The following DENND4C variants were observed in gnomAD, a reference collection of about 807,000 sequenced individuals.
DENND4C encodes the protein DENN domain-containing protein 4C.
A neutral mutation model predicts 203.0 loss-of-function variants in DENND4C; 108 were observed. The observed-to-expected ratio is 0.53, with a 90% confidence interval of 0.46 to 0.62. The LOEUF (loss-of-function observed/expected upper bound fraction) is 0.62, where lower values mean the gene tolerates loss of function less well. Ranked by LOEUF, DENND4C falls within the 20% of genes least tolerant of loss-of-function variation. The pLI, the probability that DENND4C is intolerant of heterozygous loss-of-function variation, is 0.00. For synonymous variants in DENND4C, 871 were observed against 792.4 expected (o/e 1.10, Z -1.67); for missense variants, 2,481 against 2,301.2 (o/e 1.08, Z -1.60).
At chr9:19,245,662 C>G (rs1169192555) in intron 1 of DENND4C, among the ~76,000 whole-genome samples, 1 of 152,046 alleles carries the variant, frequency 6.6e-6, no homozygotes, top group Non-Finnish European at 1.5e-5. Flanking sequence ...CGAGATTAGC[C>G]TGGCCAACGT....
chr9:19,309,574 T>A (rs1840351168), intron 10 of DENND4C, among the ~76,000 whole-genome samples: 1 of 151,822 alleles, frequency 6.6e-6, no homozygotes, highest in African/African-American at 2.4e-5. Flanking sequence ...GTATGAGACT[T>A]TTTTTTTGGC....
intron 1 of DENND4C, among the ~76,000 whole-genome samples, chr9:19,268,503 A>T (rs551092132): frequency 1.3e-5 from 2 of 152,250 alleles, no homozygotes; most frequent in South Asian, 2.1e-4. Context: ...ATGTTTGTCT[A>T]TGTATTTGCT....
chr9:19,342,571 A>G (rs2131948752), intron 21 of DENND4C, 62 bp from the exon 22 acceptor site: 2 of 1,479,548 alleles, frequency 1.4e-6, no homozygotes, highest in Non-Finnish European at 1.8e-6. Flanking sequence ...AAAAGTCAAT[A>G]TATGGTTTCT....
At chr9:19,234,140 G>A (rs540252629) in intron 1 of DENND4C, among the ~76,000 whole-genome samples, 1 of 151,974 alleles carries the variant, frequency 6.6e-6, no homozygotes, top group Non-Finnish European at 1.5e-5. Flanking sequence ...GCTTTTAATA[G>A]TCCAAAGTTT....
intron 16 of DENND4C, among the ~76,000 whole-genome samples, chr9:19,329,589 G>A (rs1030161096): frequency 6.6e-6 from 1 of 152,108 alleles, no homozygotes; most frequent in Admixed American, 6.5e-5. Flanking sequence ...ATGTCAGATG[G>A]TTACTCTGTG....
intron 1 of DENND4C, among the ~76,000 whole-genome samples, chr9:19,242,746 C>T (rs1053785193): frequency 4.6e-5 from 7 of 151,922 alleles, no homozygotes; most frequent in African/African-American, 1.5e-4. Context: ...ACCTCTGCCT[C>T]CTGGGTTGAA....
intron 1 of DENND4C, among the ~76,000 whole-genome samples, chr9:19,243,542 T>A (rs1824315647): frequency 6.6e-6 from 1 of 152,196 alleles, no homozygotes; most frequent in Non-Finnish European, 1.5e-5. Flanking sequence ...TAGTCCCTGC[T>A]GCCCAGTAAT....
intron 1 of DENND4C, among the ~76,000 whole-genome samples, chr9:19,273,746 C>T (rs1832263184): frequency 1.3e-5 from 2 of 150,830 alleles, no homozygotes; most frequent in African/African-American, 5.0e-5. Context: ...ATTAGAATGT[C>T]TAAATTAAAA....
At position 19,336,685 on chromosome 9, in the gene DENND4C, G is replaced by C. The variant is rs1463351243; in HGVS notation, c.2735-1G>C. 6.4e-7 allele frequency: 1 copy of C among 1,550,514 alleles called. No homozygotes were observed. The highest frequency in any genetic ancestry group is 2.4e-5 in the East Asian group (1 of 40,920). The stretch of plus-strand genomic sequence containing the variant: ...TGAACTGCTATTGTCCTTATCTTTA[G>C]CTCTTCAAAATGTCACAGGTGGAAG... On this transcript the variant is annotated splice_acceptor_variant, in intron 19 of 32. Transcript: ENST00000434457. LOFTEE classifies it high-confidence loss of function.
chr9:19,331,969 T>G lies in DENND4C; in HGVS notation c.2254-9T>G. On this transcript the variant is annotated splice_polypyrimidine_tract_variant and intron_variant, in intron 16 of 32. Coordinates refer to ENST00000434457, the MANE Select transcript of DENND4C (RefSeq NM_001330640.2). ...TAGTAAATATCATAATATTTTATTC[T>G]CTTTCTAGGAAATAAAAACAGCTCA... The G allele has an allele frequency of 1.9e-6, 3 of 1,606,464 alleles. No homozygotes were observed. The highest frequency in any genetic ancestry group is 2.6e-6 in the Non-Finnish European group (3 of 1,174,886).
chr9:19,230,551 G>A (rs1447374059), upstream of DENND4C: 3 of 152,270 alleles, frequency 2.0e-5, no homozygotes, highest in African/African-American at 7.2e-5. Context: ...GCTGCGCCGC[G>A]GGCAGCTCCT....
At chr9:19,250,730 C>G (rs1337922519) in intron 1 of DENND4C, among the ~76,000 whole-genome samples, 1 of 152,164 alleles carries the variant, frequency 6.6e-6, no homozygotes, top group Non-Finnish European at 1.5e-5. Context: ...GGCTACAGGC[C>G]CCATGCAAGT....
At chr9:19,319,317 CATATATATACATATATATACACAT>C (rs1842394354) in intron 12 of DENND4C, among the ~76,000 whole-genome samples, 1 of 41,886 alleles carries the variant, frequency 2.4e-5, no homozygotes, top group African/African-American at 5.6e-5. Context: ...TATATACACA[CATATATATACATATATATACACAT>C]ATATATATAC....
intron 1 of DENND4C, among the ~76,000 whole-genome samples, chr9:19,259,812 C>T (rs190232335): frequency 6.6e-6 from 1 of 152,262 alleles, no homozygotes; most frequent in Admixed American, 6.5e-5. Flanking sequence ...GCTCGAATGC[C>T]ACATTTTCTT....
intron 1 of DENND4C, among the ~76,000 whole-genome samples, chr9:19,266,310 A>AT (rs1302928641): frequency 6.6e-6 from 1 of 151,758 alleles, no homozygotes; most frequent in Non-Finnish European, 1.5e-5. Context: ...GGGTGGTTTG[A>AT]TTTTTTCTTG....
At chr9:19,307,494 G>T (rs1420493070) in intron 10 of DENND4C, among the ~76,000 whole-genome samples, 1 of 151,688 alleles carries the variant, frequency 6.6e-6, no homozygotes, top group African/African-American at 2.4e-5. Context: ...AATAGGCCGG[G>T]CACAGTGGCT....
At position 19,336,320 on chromosome 9, in the gene DENND4C, A is replaced by G. The variant is rs1450673168; in HGVS notation, c.2640A>G (p.Leu880=). ...GCAGTACCCGCAGTGGTATTTTCTT[A>G]TGGACGAAGGTACGGAATGTGGTAC... The part of the protein sequence containing the change: ...WPSSTRSGIF[L]WTKVRNVVRG... Residue 880 remains leucine, a synonymous_variant, in exon 19 of 33, where the codon TTA becomes TTG. Transcript: ENST00000434457. 2 of 1,613,928 alleles carry G rather than the reference A, an allele frequency of 1.2e-6. No individual in the cohort carries two copies. Among genetic ancestry groups the G allele is most frequent in the Non-Finnish European group, 1.7e-6 (2 of 1,179,986 alleles).
At chr9:19,271,752 C>G (rs1165970431) in intron 1 of DENND4C, among the ~76,000 whole-genome samples, 1 of 151,740 alleles carries the variant, frequency 6.6e-6, no homozygotes, top group Non-Finnish European at 1.5e-5. Flanking sequence ...GTAATCCCAG[C>G]TACTCGGGAG....
chr9:19,231,175 G>C (rs565320925), intron 1 of DENND4C, among the ~76,000 whole-genome samples: 1 of 152,342 alleles, frequency 6.6e-6, no homozygotes, highest in Admixed American at 6.5e-5. Flanking sequence ...CCGGGGCGAC[G>C]GCCGCTTTGG....
Sources: allele counts gnomAD v4.1 joint callset (sites outside exome capture counted in the v4.1 genomes callset), GRCh38; gene constraint gnomAD v4.1.1; transcripts MANE v1.5; gene names NCBI Gene and HGNC (gene_info 2026-07-23, HGNC 2026-07-21).